The following NEAT1 variants were observed in gnomAD, a reference collection of about 807,000 sequenced individuals.
The protein encoded by NEAT1 is nuclear paraspeckle assembly transcript 1.
exon 1 of NEAT1, chr11:65,434,654 A>C (rs904445298): frequency 1.3e-5 from 2 of 152,154 alleles, no homozygotes; most frequent in Admixed American, 6.5e-5. Context: ...TGCACAATGC[A>C]TGAGTGTTTC....
exon 1 of NEAT1, chr11:65,444,077 C>T (rs945767521): frequency 4.6e-6 from 1 of 215,534 alleles, no homozygotes; most frequent in Non-Finnish European, 9.5e-6. Context: ...AGTGCCCGCA[C>T]CATAGTGTGT....
exon 1 of NEAT1, chr11:65,438,204 A>T (rs1360546169): frequency 6.6e-6 from 1 of 152,208 alleles, no homozygotes; most frequent in Non-Finnish European, 1.5e-5. Flanking sequence ...GCCCCCTGGC[A>T]GCCTTTTTCA....
exon 1 of NEAT1, chr11:65,439,211 C>G (rs1856692454): frequency 6.6e-6 from 1 of 152,084 alleles, no homozygotes; most frequent in African/African-American, 2.4e-5. Flanking sequence ...TGAGCCTTGG[C>G]CCACTTTTTA....
chr11:65,438,149 T>A (rs1856677767), exon 1 of NEAT1: 1 of 152,170 alleles, frequency 6.6e-6, no homozygotes, highest in Admixed American at 6.5e-5. Flanking sequence ...GCTGGAACTT[T>A]TTACAAAATA....
At chr11:65,430,947 C>T (rs1215310571) in exon 1 of NEAT1, 1 of 152,156 alleles carries the variant, frequency 6.6e-6, no homozygotes, top group African/African-American at 2.4e-5. Context: ...AGTATACATT[C>T]AGTAGTGTTA....
chr11:65,443,566 G>A (rs1856734335), exon 1 of NEAT1: 2 of 152,192 alleles, frequency 1.3e-5, no homozygotes, highest in Admixed American at 6.5e-5. Flanking sequence ...GGTCCTCTGG[G>A]GCATTCCAGG....
exon 1 of NEAT1, chr11:65,439,042 A>G (rs1856690857): frequency 6.6e-6 from 1 of 152,156 alleles, no homozygotes; most frequent in Admixed American, 6.5e-5. Context: ...TCTTGCCAAC[A>G]CTAGTTATTA....
At chr11:65,430,677 G>A (rs2134895640) in exon 1 of NEAT1, 1 of 152,298 alleles carries the variant, frequency 6.6e-6, no homozygotes, top group East Asian at 1.9e-4. Flanking sequence ...GTGCAGCTGT[G>A]AGCATCTCTG....
At chr11:65,441,894 C>A (rs904597549) in exon 1 of NEAT1, 1 of 152,236 alleles carries the variant, frequency 6.6e-6, no homozygotes, top group African/African-American at 2.4e-5. Flanking sequence ...TGGAGGGTGG[C>A]TGCACAGTCG....
chr11:65,433,163 T>C (rs1441254251), exon 1 of NEAT1: 1 of 152,230 alleles, frequency 6.6e-6, no homozygotes, highest in Non-Finnish European at 1.5e-5. Context: ...ATCAAGTGTC[T>C]TTCTGGTATA....
exon 1 of NEAT1, chr11:65,444,564 G>A (rs1359429569): frequency 1.0e-5 from 5 of 483,950 alleles, no homozygotes; most frequent in South Asian, 4.6e-5. Context: ...CTCAAATGAG[G>A]ACAGCAGAGC....
chr11:65,438,633 G>T (rs1856687251), exon 1 of NEAT1: 1 of 152,172 alleles, frequency 6.6e-6, no homozygotes, highest in South Asian at 2.1e-4. Context: ...CCTCATATAA[G>T]TGTAATCATA....
At chr11:65,439,484 G>C (rs1488979262) in exon 1 of NEAT1, 1 of 151,996 alleles carries the variant, frequency 6.6e-6, no homozygotes, top group African/African-American at 2.4e-5. Context: ...CTAGGAGTTC[G>C]AGGTCAGCCT....
chr11:65,439,022 T>G (rs759392590), exon 1 of NEAT1: 1 of 152,186 alleles, frequency 6.6e-6, no homozygotes, highest in Non-Finnish European at 1.5e-5. Context: ...GGGTTCCAAT[T>G]TCTGCGCATT....
chr11:65,442,525 G>T (rs1206518284), exon 1 of NEAT1: 2 of 152,254 alleles, frequency 1.3e-5, no homozygotes, highest in Admixed American at 1.3e-4. Context: ...AGGCCTGGGG[G>T]CCACCATGAG....
chr11:65,430,140 T>G (rs1424663014), exon 1 of NEAT1: 1 of 152,310 alleles, frequency 6.6e-6, no homozygotes, highest in African/African-American at 2.4e-5. Flanking sequence ...GTCTGTGAAA[T>G]GCGGGTAAAT....
chr11:65,425,671 C>T (rs1856553963), exon 1 of NEAT1: 1 of 152,066 alleles, frequency 6.6e-6, no homozygotes, highest in Non-Finnish European at 1.5e-5. Flanking sequence ...TCACAGGTGT[C>T]TTGTGATTGA....
exon 1 of NEAT1, chr11:65,423,007 C>T (rs918654061): frequency 6.6e-6 from 1 of 152,206 alleles, no homozygotes; most frequent in African/African-American, 2.4e-5. Flanking sequence ...CCGCAGGGTC[C>T]CCCAGGCAGA....
chr11:65,429,238 A>G (rs1045412236), exon 1 of NEAT1: 2 of 152,174 alleles, frequency 1.3e-5, no homozygotes, highest in African/African-American at 4.8e-5. Flanking sequence ...GAAGGAAATG[A>G]CTGTTAAACT....
Sources: allele counts gnomAD v4.1 joint callset, GRCh38; gene constraint gnomAD v4.1.1; transcripts MANE v1.5; gene names NCBI Gene and HGNC (gene_info 2026-07-23, HGNC 2026-07-21).